CCDC73: variants seen among roughly 807,000 people sequenced by gnomAD.
CCDC73 encodes coiled-coil domain-containing protein 73.
CCDC73 carries 95 observed loss-of-function variants against 116.5 expected under a neutral mutation model. That is an observed-to-expected ratio of 0.82 (90% CI 0.69 to 0.97). CCDC73 has a LOEUF of 0.97. Among genes scored for constraint, CCDC73 ranks in the 50% least tolerant of loss-of-function variants. The probability of loss-of-function intolerance (pLI) is 0.00; values close to 1 mark genes in which losing one functional copy is unlikely to be tolerated. For synonymous variants in CCDC73, 398 were observed against 401.3 expected (o/e 0.99, Z 0.10); for missense variants, 1,066 against 1,206.8 (o/e 0.88, Z 1.73).
chr11:32,653,101 C>G (rs766681473), intron 12 of CCDC73, 22 bp downstream of exon 12: 1 of 1,361,030 alleles, frequency 7.3e-7, no homozygotes, highest in Non-Finnish European at 1.0e-6. Context: ...GATAGACAGA[C>G]AGACAGACAG....
chr11:32,734,513 G>T (rs1210062787), intron 2 of CCDC73, among the ~76,000 whole-genome samples: 11 of 151,070 alleles, frequency 7.3e-5, no homozygotes, highest in African/African-American at 2.7e-4. Context: ...TGGAGGGAAG[G>T]TCAGCAGATA....
At chr11:32,789,312 G>A (rs545721385) in intron 1 of CCDC73, among the ~76,000 whole-genome samples, 2 of 152,280 alleles carry the variant, frequency 1.3e-5, no homozygotes, top group Non-Finnish European at 2.9e-5. Context: ...ATAAAATCAA[G>A]TGTAAACCTG....
intron 2 of CCDC73, among the ~76,000 whole-genome samples, chr11:32,755,831 G>GTA (rs1850335133): frequency 7.9e-6 from 1 of 127,090 alleles, no homozygotes; most frequent in Non-Finnish European, 1.6e-5. Flanking sequence ...ATATGTGTGT[G>GTA]TATATATCTC....
intron 17 of CCDC73, among the ~76,000 whole-genome samples, chr11:32,606,806 CTTTTTTTT>C (rs10591021): frequency 9.9e-6 from 1 of 101,060 alleles, no homozygotes; most frequent in Admixed American, 1.1e-4. Context: ...AAAATAAATT[CTTTTTTTT>C]TTTTTTTTTT....
rs181044429 is a variant in CCDC73, at chr11:32,750,149, C to T, written c.135+9960G>A. On this transcript the variant is annotated intron_variant, in intron 2 of 17. Coordinates refer to ENST00000335185, the MANE Select transcript of CCDC73 (RefSeq NM_001008391.4). ...CCTCCCAAAATGCTGGGATTACAGG[C>T]GTGAGCCAACGCTCCTGGCCTCTAC... is the stretch of plus-strand genomic sequence containing the variant. Among the ~76,000 whole-genome samples the T allele has an allele frequency of 3.3e-3, 502 of 152,298 alleles. 1 individual carries two copies. The highest frequency in any genetic ancestry group is 5.7e-3 in the Non-Finnish European group (391 of 68,018).
intron 3 of CCDC73, among the ~76,000 whole-genome samples, chr11:32,709,891 G>T (rs1185252271): frequency 6.6e-6 from 1 of 152,066 alleles, no homozygotes; most frequent in Non-Finnish European, 1.5e-5. Flanking sequence ...GCTTGTTATT[G>T]GTCTGTTCAG....
At chr11:32,675,538 A>G (rs1202690055) in intron 9 of CCDC73, 27 bp downstream of exon 9, 3 of 1,332,946 alleles carry the variant, frequency 2.3e-6, no homozygotes, top group Non-Finnish European at 1.1e-6. Flanking sequence ...ATTTTTACTT[A>G]GTAGTGTGAA....
chr11:32,821,718 A>G, the CCDC73 span, among the ~76,000 whole-genome samples: 1 of 152,208 alleles, frequency 6.6e-6, no homozygotes, highest in Non-Finnish European at 1.5e-5. Flanking sequence ...GTAAATTCAA[A>G]TGCTAAGGGG....
intron 12 of CCDC73, 86 bp from the exon 13 acceptor site, chr11:32,642,168 T>C: frequency 1.5e-6 from 2 of 1,318,514 alleles, no homozygotes. Context: ...CCTTTGCTTC[T>C]AACATGCTGA....
At position 32,627,520 on chromosome 11, in the gene CCDC73, C is replaced by T. The variant is rs941427093; in HGVS notation, c.1185+8176G>A. ...ATGCTGTTATAAAGACACATGCACA[C>T]GTATGTTTATTGCGACACTATTTAC... On this transcript the variant is annotated intron_variant, in intron 14 of 17. Transcript: ENST00000335185. Among the ~76,000 whole-genome samples the T allele has an allele frequency of 4.6e-5, 7 of 152,272 alleles. No individual in the cohort carries two copies. The South Asian group carries it at 6.2e-4, about 14-fold the overall frequency.
the CCDC73 span, chr11:32,830,406 C>A: frequency 4.9e-6 from 5 of 1,030,152 alleles, no homozygotes; most frequent in South Asian, 1.1e-4. Flanking sequence ...CGCTCTTGCG[C>A]CTAGGCTTTG....
intron 1 of CCDC73, 132 bp from the exon 2 acceptor site, chr11:32,760,390 T>C: frequency 1.8e-6 from 1 of 562,236 alleles, no homozygotes; most frequent in Non-Finnish European, 3.1e-6. Flanking sequence ...AGTTGTGTCA[T>C]CACTCCACTC....
chr11:32,713,991 C>T (rs1249805002), intron 3 of CCDC73, among the ~76,000 whole-genome samples: 1 of 152,064 alleles, frequency 6.6e-6, no homozygotes, highest in Non-Finnish European at 1.5e-5. Flanking sequence ...TGAACTAAAA[C>T]TTCTTGCCAG....
At chr11:32,678,037 G>A (rs1254909868) in intron 7 of CCDC73, among the ~76,000 whole-genome samples, 2 of 151,168 alleles carry the variant, frequency 1.3e-5, no homozygotes, top group African/African-American at 4.9e-5. Flanking sequence ...CCAGCACTTT[G>A]GGAGGTGGAG....
intron 2 of CCDC73, among the ~76,000 whole-genome samples, chr11:32,729,683 C>A (rs970424791): frequency 5.3e-5 from 8 of 152,192 alleles, no homozygotes; most frequent in Non-Finnish European, 4.4e-5. Context: ...TCCTTGCCAG[C>A]ATCTGTTGTT....
intron 1 of CCDC73, among the ~76,000 whole-genome samples, chr11:32,793,994 CGT>C (rs1772185197): frequency 6.6e-6 from 1 of 152,040 alleles, no homozygotes. Context: ...TAAATTTGCT[CGT>C]GCAAGGCAGT....
chr11:32,635,131 A>C (rs115054300), intron 14 of CCDC73, among the ~76,000 whole-genome samples: 5 of 152,206 alleles, frequency 3.3e-5, no homozygotes, highest in African/African-American at 1.2e-4. Flanking sequence ...TATCCAAATA[A>C]ATGGAAGCTA....
At chr11:32,791,691 G>C (rs558151976) in intron 1 of CCDC73, among the ~76,000 whole-genome samples, 1 of 152,272 alleles carries the variant, frequency 6.6e-6, no homozygotes, top group East Asian at 1.9e-4. Context: ...GGTGGCTAAT[G>C]CCTGCAATCC....
At chr11:32,627,162 T>C (rs1855582891) in intron 14 of CCDC73, among the ~76,000 whole-genome samples, 1 of 152,134 alleles carries the variant, frequency 6.6e-6, no homozygotes, top group African/African-American at 2.4e-5. Context: ...GGGCGAAGGA[T>C]ATGAACAGAC....
Sources: allele counts gnomAD v4.1 joint callset (sites outside exome capture counted in the v4.1 genomes callset), GRCh38; gene constraint gnomAD v4.1.1; transcripts MANE v1.5; gene names NCBI Gene and HGNC (gene_info 2026-07-23, HGNC 2026-07-21).